WNT3: variants seen among roughly 807,000 people sequenced by gnomAD.
The protein encoded by WNT3 is Wnt family member 3.
WNT3 carries 7 observed loss-of-function variants against 34.2 expected under a neutral mutation model. The ratio of observed to expected loss-of-function variants is 0.20; its 90% CI spans 0.12 to 0.38. The LOEUF is 0.38. Among genes scored for constraint, WNT3 ranks in the 10% least tolerant of loss-of-function variants. The pLI, the probability that WNT3 is intolerant of heterozygous loss-of-function variation, is 1.00. For missense variants in WNT3, 267 were observed against 499.8 expected (o/e 0.53, Z 4.44); for synonymous variants, 212 against 211.5 (o/e 1.00, Z -0.02).
chr17:46,811,618 A>G (rs1431869885), intron 1 of WNT3, among the ~76,000 whole-genome samples: 1 of 152,172 alleles, frequency 6.6e-6, no homozygotes, highest in Non-Finnish European at 1.5e-5. Flanking sequence ...CAGCAGCAGG[A>G]CAGGGTGCCC....
chr17:46,780,513 G>A (rs750274701), intron 1 of WNT3, among the ~76,000 whole-genome samples: 2 of 152,162 alleles, frequency 1.3e-5, no homozygotes, highest in African/African-American at 2.4e-5. Context: ...CTCTGCCCAG[G>A]TGCGGTGGCT....
At chr17:46,788,734 GCCCTGCGAGGACCT>G (rs57791348) in intron 1 of WNT3, among the ~76,000 whole-genome samples, 2,425 of 152,130 alleles carry the variant, frequency 0.016, 46 homozygotes, top group African/African-American at 0.05. Flanking sequence ...AGGTGCAGTG[GCCCTGCGAGGACCT>G]CCCTGCGAGG....
At chr17:46,798,891 TAC>T (rs1335382586) in intron 1 of WNT3, among the ~76,000 whole-genome samples, 1 of 151,738 alleles carries the variant, frequency 6.6e-6, no homozygotes, top group African/African-American at 2.4e-5. Flanking sequence ...CTACTAAAAA[TAC>T]AAAAATTGGC....
intron 4 of WNT3, among the ~76,000 whole-genome samples, chr17:46,767,757 GCACA>G (rs1034766545): frequency 6.6e-6 from 1 of 152,070 alleles, no homozygotes; most frequent in African/African-American, 2.4e-5. Context: ...CACCTAATGT[GCACA>G]CACTGAATTT....
chr17:46,812,610 C>T (rs2084291601), intron 1 of WNT3, among the ~76,000 whole-genome samples: 1 of 152,128 alleles, frequency 6.6e-6, no homozygotes, highest in African/African-American at 2.4e-5. Flanking sequence ...CCTTCTCTAC[C>T]CTGCCCTCCC....
At chr17:46,817,877 T>A (rs2146478984) in intron 1 of WNT3, among the ~76,000 whole-genome samples, 1 of 152,106 alleles carries the variant, frequency 6.6e-6, no homozygotes, top group South Asian at 2.1e-4. Context: ...AAGAAATGAA[T>A]AAAATCCGAA....
chr17:46,795,895 T>C (rs886348), intron 1 of WNT3, among the ~76,000 whole-genome samples: 30,701 of 152,002 alleles, frequency 0.2, 3,551 homozygotes, highest in East Asian at 0.33. Context: ...CACACACACA[T>C]GCATGCACGC....
chr17:46,787,678 G>A (rs1008159331), intron 1 of WNT3, among the ~76,000 whole-genome samples: 1 of 152,220 alleles, frequency 6.6e-6, no homozygotes, highest in African/African-American at 2.4e-5. Flanking sequence ...CCTCGGCCGG[G>A]CGCGGTGGCT....
intron 3 of WNT3, among the ~76,000 whole-genome samples, chr17:46,769,335 A>G (rs920394284): frequency 3.4e-4 from 51 of 151,842 alleles, no homozygotes; most frequent in African/African-American, 1.2e-3. Context: ...AAAAAAAAGA[A>G]AAGAAAAAGA....
intron 1 of WNT3, among the ~76,000 whole-genome samples, chr17:46,796,629 T>C (rs11650531): frequency 0.2 from 30,191 of 152,050 alleles, 3,439 homozygotes; most frequent in East Asian, 0.33. Flanking sequence ...CCCAGCCTCA[T>C]TGGGTGACAG....
chr17:46,782,548 G>A lies in WNT3; in HGVS notation c.81-8639C>T, dbSNP rs910252691. 6.6e-5 allele frequency among the ~76,000 whole-genome samples: 10 copies of A among 152,262 alleles called. No individual in the cohort carries two copies. In the East Asian group the frequency reaches 9.6e-4, roughly 15 times the overall value. On this transcript the variant is annotated intron_variant, in intron 1 of 4. Transcript: ENST00000225512. ...AAGAGCAGGAAGTGAGGAACCAAGC[G>A]TTGGCTTTGGAACTCAGGCCTCTAC... is the stretch of plus-strand genomic sequence containing the variant.
chr17:46,785,591 C>T (rs2059497030), intron 1 of WNT3, among the ~76,000 whole-genome samples: 3 of 152,344 alleles, frequency 2.0e-5, no homozygotes, highest in South Asian at 4.1e-4. Flanking sequence ...CCCTTCTGCC[C>T]GCAGCTTCTG....
At chr17:46,796,620 C>G (rs557401551) in intron 1 of WNT3, among the ~76,000 whole-genome samples, 14 of 152,312 alleles carry the variant, frequency 9.2e-5, no homozygotes, top group Middle Eastern at 6.8e-3. Context: ...GCAGGGGCTC[C>G]CAGCCTCATT....
intron 1 of WNT3, among the ~76,000 whole-genome samples, chr17:46,816,771 T>C (rs2084355831): frequency 6.6e-6 from 1 of 152,142 alleles, no homozygotes; most frequent in South Asian, 2.1e-4. Flanking sequence ...CCCTGCCACC[T>C]ATGGGCCGCC....
At chr17:46,793,978 A>G (rs984224119) in intron 1 of WNT3, among the ~76,000 whole-genome samples, 3 of 152,162 alleles carry the variant, frequency 2.0e-5, no homozygotes, top group Non-Finnish European at 2.9e-5. Context: ...TTTATTCGGC[A>G]CCTGCTATGT....
intron 1 of WNT3, among the ~76,000 whole-genome samples, chr17:46,810,007 T>TC (rs200607631): frequency 0.012 from 1,796 of 146,150 alleles, 33 homozygotes; most frequent in African/African-American, 0.038. Flanking sequence ...TTTCTTTCTT[T>TC]TTTTTTTTTT....
At chr17:46,795,296 C>T (rs1051642932) in intron 1 of WNT3, among the ~76,000 whole-genome samples, 1 of 152,178 alleles carries the variant, frequency 6.6e-6, no homozygotes, top group East Asian at 1.9e-4. Flanking sequence ...TCTCACTCCC[C>T]TGGTGTGGCC....
intron 1 of WNT3, among the ~76,000 whole-genome samples, chr17:46,793,307 G>C (rs912575670): frequency 3.4e-5 from 5 of 148,836 alleles, no homozygotes; most frequent in African/African-American, 1.2e-4. Context: ...AAAAATGAGG[G>C]GAGACATTTA....
chr17:46,814,825 G>A (rs1441152144), intron 1 of WNT3, among the ~76,000 whole-genome samples: 4 of 152,228 alleles, frequency 2.6e-5, no homozygotes, highest in Non-Finnish European at 5.9e-5. Flanking sequence ...GGAGTGGGTG[G>A]GAGAGGCAGC....
Sources: gnomAD v4.1 joint callset for allele counts (sites outside exome capture counted in the v4.1 genomes callset) on GRCh38, gnomAD v4.1.1 for gene constraint, MANE v1.5 for transcripts, NCBI Gene and HGNC (gene_info 2026-07-23, HGNC 2026-07-21) for gene names.